Variants in LRRC49 observed in about 807,000 individuals in gnomAD.
The protein encoded by LRRC49 is leucine rich repeat containing 49.
Under a neutral mutation model 83.3 loss-of-function variants are expected in LRRC49, and 50 were observed. The ratio of observed to expected loss-of-function variants is 0.60; its 90% CI spans 0.48 to 0.76. The LOEUF is 0.76. Among genes scored for constraint, LRRC49 ranks in the 30% least tolerant of loss-of-function variants. The pLI is 0.00. For synonymous variants in LRRC49, 286 were observed against 283.3 expected (o/e 1.01, Z -0.10); for missense variants, 704 against 809.1 (o/e 0.87, Z 1.58).
chr15:70,891,733 T>C, upstream of LRRC49: 1 of 1,013,044 alleles, frequency 9.9e-7, no homozygotes, highest in Non-Finnish European at 1.4e-6. Flanking sequence ...ACTTTGCAGA[T>C]TAGAAAACAG....
intron 11 of LRRC49, among the ~76,000 whole-genome samples, chr15:71,002,927 A>T (rs111918101): frequency 0.013 from 986 of 78,414 alleles, 2 homozygotes; most frequent in Middle Eastern, 0.073. Flanking sequence ...AAGGCATAGG[A>T]TATTTTCTGG....
At chr15:70,935,389 A>G (rs2035560272) in intron 7 of LRRC49, among the ~76,000 whole-genome samples, 1 of 152,108 alleles carries the variant, frequency 6.6e-6, no homozygotes, top group African/African-American at 2.4e-5. Context: ...TCCCTGAAAA[A>G]CCATTAAAAA....
rs567506620 is a variant in LRRC49 at position 70,904,607 on chromosome 15, A to G, written c.352A>G (p.Asn118Asp). 6.2e-7 allele frequency: 1 copy of G among 1,613,752 alleles called. No individual in the cohort carries two copies. Among genetic ancestry groups the G allele is most frequent in the East Asian group, 2.2e-5 (1 of 44,850 alleles). The change falls in exon 5 of 16, where the codon AAC becomes GAC. Residue 118 changes from asparagine (N) to aspartate (D), a missense_variant. Physicochemically the swap from Asn to Asp is conservative, Grantham distance 23. Around this residue, in one of 3 missense-constraint regions of LRRC49, gnomAD observed 261 missense variants for 330.5 expected, o/e 0.79. Coordinates refer to ENST00000260382, the MANE Select transcript of LRRC49 (RefSeq NM_017691.5). ...TGGGGAAGACCACCTTCGTTTGTTG[A>G]ACTTTCAACACAATTTTATAACTCG... ...INGEDHLRLL[N>D]FQHNFITRIQ... is the part of the protein sequence containing the mutation.
At chr15:70,953,849 G>C (rs192155630) in intron 8 of LRRC49, among the ~76,000 whole-genome samples, 112 of 151,608 alleles carry the variant, frequency 7.4e-4, no homozygotes, top group Non-Finnish European at 1.3e-3. Flanking sequence ...TTCCTTTGTT[G>C]CTTCAAAGGA....
intron 7 of LRRC49, among the ~76,000 whole-genome samples, chr15:70,934,843 A>G (rs2035542665): frequency 6.6e-6 from 1 of 152,204 alleles, no homozygotes; most frequent in Non-Finnish European, 1.5e-5. Flanking sequence ...GATTGTGCCC[A>G]GAAATATCTC....
chr15:70,947,968 A>G (rs748206972), intron 8 of LRRC49, among the ~76,000 whole-genome samples: 1 of 152,202 alleles, frequency 6.6e-6, no homozygotes, highest in Non-Finnish European at 1.5e-5. Flanking sequence ...TACCAAGGGA[A>G]GGGAAGTTGG....
At chr15:70,908,755 A>G (rs1211088184) in intron 5 of LRRC49, 1 of 152,326 alleles carries the variant, frequency 6.6e-6, no homozygotes, top group Non-Finnish European at 1.5e-5. Context: ...ACATAATTCT[A>G]ACCTTATCAT....
chr15:70,936,815 A>G lies in LRRC49; in HGVS notation c.766A>G (p.Ile256Val), dbSNP rs376824485. The G allele has an allele frequency of 1.7e-5, 28 of 1,604,744 alleles. No individual in the cohort carries two copies. Among genetic ancestry groups the G allele is most frequent in the Middle Eastern group, 1.6e-4 (1 of 6,064 alleles). The change falls in exon 8 of 16, where the codon ATA (isoleucine) becomes GTA (valine). Residue 256 changes from isoleucine (I) to valine (V), a missense_variant. By Grantham distance (29) the Ile-to-Val change is conservative. Transcript: ENST00000260382. ...ACATCTCTTTCTCAGCTTTAACAAT[A>G]TATCTAGGTAAGTGGAAACTCCCAA... ...LQHLFLSFNNISSFDSVSCLA... is the reference protein window; with the variant it reads ...LQHLFLSFNNVSSFDSVSCLA...
chr15:70,904,395 A>G (rs769569056), intron 4 of LRRC49, among the ~76,000 whole-genome samples, 157 bp from the exon 5 acceptor site: 1 of 152,168 alleles, frequency 6.6e-6, no homozygotes, highest in Non-Finnish European at 1.5e-5. Flanking sequence ...ATGATTTACA[A>G]TTAAATATAG....
In LRRC49 at chr15:71,045,049, C is replaced by T. The variant is rs34645537; in HGVS notation, c.1858-4360C>T. On this transcript the variant is annotated intron_variant, in intron 15 of 15. Coordinates refer to ENST00000260382, the MANE Select transcript of LRRC49 (RefSeq NM_017691.5). Reference sequence around the variant, plus strand: ...GGGACTACAGGCGCCCACCACCACACCTGGCTAATTTTTTTTGTGTTTTTT... The same window carrying T: ...GGGACTACAGGCGCCCACCACCACATCTGGCTAATTTTTTTTGTGTTTTTT... Among the ~76,000 whole-genome samples, 939 of 151,754 alleles carry T rather than the reference C, an allele frequency of 6.2e-3. 7 individuals carry two copies. The highest frequency in any genetic ancestry group is 0.01 in the Middle Eastern group (3 of 294).
chr15:70,916,152 AT>A lies in LRRC49; in HGVS notation c.568-2896del, dbSNP rs2034763841. Among the ~76,000 whole-genome samples, 3 of 152,196 alleles carry A rather than the reference AT, an allele frequency of 2.0e-5. No homozygotes were observed. In the South Asian group the frequency reaches 6.2e-4, roughly 32 times the overall value. ...TTTGTGTCATGCAGAAACTCATCCCATTGTGCTACACTTGCTCTATTATAAT... is the reference window on the plus strand; with the variant it reads ...TTTGTGTCATGCAGAAACTCATCCCATGTGCTACACTTGCTCTATTATAAT... On this transcript the variant is annotated intron_variant, in intron 6 of 15. Transcript: ENST00000260382.
chr15:71,012,208 G>A (rs1172246576), intron 13 of LRRC49, among the ~76,000 whole-genome samples: 1 of 152,130 alleles, frequency 6.6e-6, no homozygotes, highest in Non-Finnish European at 1.5e-5. Context: ...TACAGGTACT[G>A]CTTTCAGCTT....
At position 71,008,429 on chromosome 15, in the gene LRRC49, A is replaced by G. The variant is rs1486753513; in HGVS notation, c.1220A>G (p.Asp407Gly). 4 of 1,613,042 alleles carry G rather than the reference A, an allele frequency of 2.5e-6. No individual in the cohort carries two copies. The East Asian group carries it at 6.7e-5, about 27-fold the overall frequency. ...NNALQGLSVI[D>G]TYLVEVDGDT... ...GCTTTACAAGGTTTATCTGTCATAG[A>G]CACATACCTTGTTGAAGTGGACGGG... The change falls in exon 12 of 16, where the codon GAC becomes GGC. Residue 407 changes from aspartate (D) to glycine (G), a missense_variant. Physicochemically the swap from Asp to Gly is moderately conservative, Grantham distance 94 (BLOSUM62 -1). Coordinates refer to ENST00000260382, the MANE Select transcript of LRRC49 (RefSeq NM_017691.5).
intron 14 of LRRC49, 135 bp downstream of exon 14, chr15:71,013,048 G>A (rs919692985): frequency 3.4e-6 from 2 of 596,568 alleles, no homozygotes; most frequent in East Asian, 2.8e-5. Context: ...TGAAAGTGTT[G>A]GGGATCTTAA....
chr15:71,032,441 T>C (rs1385541761), intron 14 of LRRC49, among the ~76,000 whole-genome samples: 1 of 151,628 alleles, frequency 6.6e-6, no homozygotes, highest in Non-Finnish European at 1.5e-5. Context: ...TGGTTCCTTC[T>C]ATTCTGTACT....
At chr15:70,875,376 G>A (rs925204268) in intron 2 of LRRC49, among the ~76,000 whole-genome samples, 1 of 152,178 alleles carries the variant, frequency 6.6e-6, no homozygotes, top group South Asian at 2.1e-4. Flanking sequence ...TGGGTTATAA[G>A]TCATATTTAA....
intron 2 of LRRC49, among the ~76,000 whole-genome samples, chr15:70,880,340 T>TC (rs1265113427): frequency 6.6e-6 from 1 of 152,108 alleles, no homozygotes; most frequent in African/African-American, 2.4e-5. Context: ...ATTGTCTGCC[T>TC]CCCCCACCAA....
At chr15:71,032,281 C>A (rs2039382693) in intron 14 of LRRC49, among the ~76,000 whole-genome samples, 1 of 152,118 alleles carries the variant, frequency 6.6e-6, no homozygotes, top group Non-Finnish European at 1.5e-5. Context: ...CCCCACCCTG[C>A]TTCTGCTCAC....
chr15:70,877,956 C>T (rs535179020), intron 2 of LRRC49, among the ~76,000 whole-genome samples: 3 of 152,050 alleles, frequency 2.0e-5, no homozygotes, highest in African/African-American at 4.8e-5. Context: ...GGTGAAACCC[C>T]GTCTCTACTA....
Sources: gnomAD v4.1 joint callset for allele counts (sites outside exome capture counted in the v4.1 genomes callset) on GRCh38, gnomAD v4.1.1 for gene constraint, gnomAD v4.1.1 regional missense constraint, MANE v1.5 for transcripts, NCBI Gene and HGNC (gene_info 2026-07-23, HGNC 2026-07-21) for gene names.